Variants in ZDHHC14 observed in about 807,000 individuals in gnomAD.
ZDHHC14 encodes palmitoyltransferase ZDHHC14.
ZDHHC14 carries 16 observed loss-of-function variants against 47.7 expected under a neutral mutation model. That is an observed-to-expected ratio of 0.34 (90% confidence interval 0.23 to 0.51). ZDHHC14 has a LOEUF of 0.51. Ranked by LOEUF, ZDHHC14 falls within the 20% of genes least tolerant of loss-of-function variation. The pLI, the probability that ZDHHC14 is intolerant of heterozygous loss-of-function variation, is 0.97. For missense variants in ZDHHC14, 515 were observed against 662.5 expected, an observed-to-expected ratio of 0.78 and a Z score of 2.44; for synonymous variants, 293 against 278.9, an observed-to-expected ratio of 1.05 and a Z score of -0.50.
chr6:157,603,000 T>A (rs1252054883), intron 3 of ZDHHC14, among the ~76,000 whole-genome samples: 2 of 152,284 alleles, frequency 1.3e-5, no homozygotes, highest in East Asian at 3.9e-4. Flanking sequence ...GTCACTGAGC[T>A]CTCTGGAAAG....
rs879444407 is a variant in ZDHHC14, at chr6:157,666,842, G to T, written c.1069-5882G>T. On this transcript the variant is annotated intron_variant, in intron 8 of 8. Coordinates refer to ENST00000359775, the MANE Select transcript of ZDHHC14 (RefSeq NM_024630.3). ...TGGCATTTTTAAATTGTAACATTAAGTGCTAATGTGTATGACTTCCAGACA... is the reference window on the plus strand; with the variant it reads ...TGGCATTTTTAAATTGTAACATTAATTGCTAATGTGTATGACTTCCAGACA... Among the ~76,000 whole-genome samples the T allele has an allele frequency of 8.5e-5, 13 of 152,310 alleles. No individual in the cohort carries two copies. The East Asian group carries it at 2.5e-3, about 29-fold the overall frequency.
At chr6:157,666,249 T>G (rs1778551236) in intron 8 of ZDHHC14, among the ~76,000 whole-genome samples, 1 of 152,236 alleles carries the variant, frequency 6.6e-6, no homozygotes, top group African/African-American at 2.4e-5. Flanking sequence ...TGGTACATAA[T>G]TGCTACAATT....
intron 2 of ZDHHC14, among the ~76,000 whole-genome samples, chr6:157,566,952 G>A (rs1782927898): frequency 6.6e-6 from 1 of 151,224 alleles, no homozygotes; most frequent in Admixed American, 6.6e-5. Context: ...CCGGGTTCAA[G>A]CCATTCTCCT....
intron 1 of ZDHHC14, among the ~76,000 whole-genome samples, chr6:157,499,872 C>T (rs552562714): frequency 7.3e-4 from 111 of 152,198 alleles, no homozygotes; most frequent in South Asian, 1.5e-3. Flanking sequence ...ATTCATTCAA[C>T]GAATATTTGC....
chr6:157,460,688 C>A (rs1779058302), intron 1 of ZDHHC14, among the ~76,000 whole-genome samples: 1 of 152,174 alleles, frequency 6.6e-6, no homozygotes, highest in Admixed American at 6.5e-5. Context: ...TCATTTTAAT[C>A]AAGAGTTGCA....
chr6:157,450,101 A>G (rs1463320763), intron 1 of ZDHHC14, among the ~76,000 whole-genome samples: 1 of 152,018 alleles, frequency 6.6e-6, no homozygotes, highest in Non-Finnish European at 1.5e-5. Flanking sequence ...CAGACTTTGT[A>G]TCTGCCACCT....
chr6:157,469,782 G>C (rs1034755805), intron 1 of ZDHHC14, among the ~76,000 whole-genome samples: 5 of 152,192 alleles, frequency 3.3e-5, no homozygotes, highest in African/African-American at 1.2e-4. Flanking sequence ...AATCACAGGG[G>C]CCAGAAGCGA....
At chr6:157,608,171 G>A (rs1784613817) in intron 3 of ZDHHC14, among the ~76,000 whole-genome samples, 2 of 152,214 alleles carry the variant, frequency 1.3e-5, no homozygotes, top group African/African-American at 4.8e-5. Flanking sequence ...TGGATTTGCC[G>A]TCATGCTGTA....
chr6:157,381,884 G>C lies in ZDHHC14; in HGVS notation c.-138G>C, dbSNP rs529370775. ...GGGTGTCCTCGGCAAAGTTGTCGCC[G>C]AGCCGGGAGCCCGTGTAGGGGCCGC... is the stretch of plus-strand genomic sequence containing the variant. On this transcript the variant is annotated 5_prime_UTR_variant, in exon 1 of 9. Coordinates refer to ENST00000359775, the MANE Select transcript of ZDHHC14 (RefSeq NM_024630.3). The C allele has an allele frequency of 2.1e-3, 1,557 of 739,498 alleles. 19 individuals are homozygous for C. In the African/African-American group the frequency reaches 0.029, roughly 14 times the overall value. The allele number at this position is 739,498 out of a possible 1,614,324, so 45.8% of individuals were successfully genotyped here.
chr6:157,403,304 A>G, intron 1 of ZDHHC14, among the ~76,000 whole-genome samples: 1 of 152,232 alleles, frequency 6.6e-6, no homozygotes. Context: ...AACCTACGAA[A>G]TAACCTGCTA....
At chr6:157,658,053 G>A (rs1004945555) in intron 8 of ZDHHC14, among the ~76,000 whole-genome samples, 50 of 152,186 alleles carry the variant, frequency 3.3e-4, no homozygotes, top group African/African-American at 1.2e-3. Flanking sequence ...TTGCCTAGTA[G>A]AAGAAAAGTA....
intron 1 of ZDHHC14, among the ~76,000 whole-genome samples, chr6:157,477,938 A>G (rs1302227168): frequency 3.3e-5 from 5 of 152,210 alleles, no homozygotes; most frequent in Non-Finnish European, 7.3e-5. Flanking sequence ...CTTTTGACAT[A>G]GGTAAGTAAA....
chr6:157,670,660 C>A (rs994825313), intron 8 of ZDHHC14, among the ~76,000 whole-genome samples: 5 of 152,262 alleles, frequency 3.3e-5, no homozygotes, highest in Admixed American at 3.3e-4. Flanking sequence ...TCCCCTCCCC[C>A]GCACTTTGGC....
In ZDHHC14 at chr6:157,632,441, A is replaced by G. The variant is rs542110942; in HGVS notation, c.704-393A>G. The G allele has an allele frequency of 2.0e-5, 4 of 197,940 alleles. No homozygotes were observed. In the South Asian group the frequency reaches 4.6e-4, roughly 23 times the overall value. 12.3% of individuals were successfully genotyped at this position (197,940 alleles called of 1,614,324 possible). A position where few individuals can be genotyped will look rare whatever the true frequency, so the allele number is the denominator to read the frequency against. On this transcript the variant is annotated intron_variant, in intron 4 of 8. Transcript: ENST00000359775. ...GTAGAAAAAGAATTCTTTTATACGTAGCCTAGTTTCCAGAACTTCCAGGGT... is the reference window on the plus strand; with the variant it reads ...GTAGAAAAAGAATTCTTTTATACGTGGCCTAGTTTCCAGAACTTCCAGGGT...
intron 2 of ZDHHC14, among the ~76,000 whole-genome samples, chr6:157,545,209 CAGGTTAA>C (rs1485046213): frequency 2.0e-5 from 3 of 151,520 alleles, no homozygotes; most frequent in African/African-American, 7.3e-5. Flanking sequence ...GGTAGGAGTG[CAGGTTAA>C]CTGCACATGA....
intron 1 of ZDHHC14, among the ~76,000 whole-genome samples, chr6:157,413,074 C>T (rs911383975): frequency 3.9e-5 from 6 of 152,102 alleles, no homozygotes; most frequent in South Asian, 4.1e-4. Context: ...GTGAGGGAGA[C>T]GGTGAATGAG....
chr6:157,672,892 G>A lies in ZDHHC14; in HGVS notation c.1237G>A (p.Ala413Thr), dbSNP rs368519191. ...CACACTGGGCCCGCCCACACCGCCC[G>A]CCTCCATGCCCAACCTCGCCGAGGC... The part of the protein sequence containing the change: ...SLTLGPPTPP[A>T]SMPNLAEATL... Residue 413 changes from alanine to threonine, a missense_variant, in exon 9 of 9, where the codon GCC becomes ACC. Ala to Thr is a moderately conservative substitution (Grantham distance 58). Coordinates refer to ENST00000359775, the MANE Select transcript of ZDHHC14 (RefSeq NM_024630.3). The A allele has an allele frequency of 3.0e-5, 48 of 1,605,844 alleles. No individual in the cohort carries two copies. The highest frequency in any genetic ancestry group is 1.7e-4 in the Middle Eastern group (1 of 5,968).
chr6:157,517,965 G>C (rs1044341900), intron 1 of ZDHHC14, among the ~76,000 whole-genome samples: 1 of 152,226 alleles, frequency 6.6e-6, no homozygotes, highest in African/African-American at 2.4e-5. Flanking sequence ...GAAAGGGTCA[G>C]TTGTAAAAGT....
intron 1 of ZDHHC14, among the ~76,000 whole-genome samples, chr6:157,505,823 T>C (rs1562452423): frequency 6.6e-6 from 1 of 152,218 alleles, no homozygotes; most frequent in South Asian, 2.1e-4. Flanking sequence ...GTCATCAGAG[T>C]TGATATTTGC....
Sources: allele counts gnomAD v4.1 joint callset (sites outside exome capture counted in the v4.1 genomes callset), GRCh38; gene constraint gnomAD v4.1.1; transcripts MANE v1.5; gene names NCBI Gene and HGNC (gene_info 2026-07-23, HGNC 2026-07-21).